Variants in TRIM37 observed in about 807,000 individuals in gnomAD.
TRIM37 encodes tripartite motif containing 37.
TRIM37 carries 80 observed loss-of-function variants against 129.8 expected under a neutral mutation model. The ratio of observed to expected loss-of-function variants is 0.62; its 90% CI spans 0.51 to 0.74. The LOEUF (loss-of-function observed/expected upper bound fraction) is 0.74, where lower values mean the gene tolerates loss of function less well. Among genes scored for constraint, TRIM37 ranks in the 30% least tolerant of loss-of-function variants. The probability of loss-of-function intolerance (pLI) is 0.00; values close to 1 mark genes in which losing one functional copy is unlikely to be tolerated. For missense variants in TRIM37, 1,054 were observed against 1,176.5 expected (o/e 0.90, Z 1.52); for synonymous variants, 389 against 387.1 (o/e 1.00, Z -0.06).
At chr17:59,006,752 G>A (rs2034535307) in intron 22 of TRIM37, among the ~76,000 whole-genome samples, 1 of 152,126 alleles carries the variant, frequency 6.6e-6, no homozygotes, top group South Asian at 2.1e-4. Flanking sequence ...AGCCGGGCAT[G>A]GCAGCAGATG....
intron 9 of TRIM37, among the ~76,000 whole-genome samples, chr17:59,065,024 G>A (rs1167997357): frequency 4.6e-5 from 7 of 152,082 alleles, no homozygotes; most frequent in African/African-American, 7.2e-5. Flanking sequence ...ACACTCCAGC[G>A]AGGGCGACAG....
chr17:58,988,810 G>C (rs911766719), intron 24 of TRIM37, among the ~76,000 whole-genome samples: 5 of 152,116 alleles, frequency 3.3e-5, no homozygotes, highest in African/African-American at 4.8e-5. Context: ...ACAGGAACTC[G>C]AGACCACTAA....
chr17:58,972,986 A>AG, the TRIM37 span: 47 of 1,167,484 alleles, frequency 4.0e-5, no homozygotes, highest in Non-Finnish European at 5.6e-5. Context: ...CTCCTGTATC[A>AG]ACTCTGATAC....
At chr17:59,002,887 AT>A (rs1318504032) in intron 22 of TRIM37, among the ~76,000 whole-genome samples, 1 of 151,790 alleles carries the variant, frequency 6.6e-6, no homozygotes, top group African/African-American at 2.4e-5. Flanking sequence ...TAATGTTAAA[AT>A]TTTTGTTTGT....
intron 11 of TRIM37, among the ~76,000 whole-genome samples, 174 bp from the exon 12 acceptor site, chr17:59,061,282 A>T (rs1427249682): frequency 6.6e-6 from 1 of 150,958 alleles, no homozygotes; most frequent in Non-Finnish European, 1.5e-5. Flanking sequence ...TTTGTGCATT[A>T]AAAAAAAAGT....
At chr17:59,091,262 T>A in intron 3 of TRIM37, 38 bp downstream of exon 3, 1 of 1,554,308 alleles carries the variant, frequency 6.4e-7, no homozygotes, top group Non-Finnish European at 8.8e-7. Flanking sequence ...GATCTTACTA[T>A]TTTCAAAATT....
chr17:59,005,936 G>T (rs2034429178), intron 22 of TRIM37, among the ~76,000 whole-genome samples: 2 of 152,170 alleles, frequency 1.3e-5, no homozygotes. Context: ...AGGAGCTCCT[G>T]TTGACCTTAA....
chr17:58,980,481 C>T, downstream of TRIM37: 1 of 1,614,168 alleles, frequency 6.2e-7, no homozygotes, highest in Non-Finnish European at 8.5e-7. This position sits in a 1 kb window ranked among gnomAD's most constrained non-coding sequence, Gnocchi z 4.7. Context: ...CTAGATCTCA[C>T]ACAAATAGAA....
At chr17:59,047,548 TAG>T in intron 16 of TRIM37, 133 bp downstream of exon 16, 2 of 878,904 alleles carry the variant, frequency 2.3e-6, no homozygotes, top group Non-Finnish European at 1.8e-6. Context: ...GCCCAGAGAT[TAG>T]AGAGAGAAAA....
At chr17:59,083,857 A>G in intron 5 of TRIM37, 145 bp downstream of exon 5, 2 of 703,980 alleles carry the variant, frequency 2.8e-6, no homozygotes, top group Non-Finnish European at 4.9e-6. Flanking sequence ...ATAAAAGTAC[A>G]ATACCTTTAA....
rs528880392 is a variant in TRIM37 at position 59,032,546 on chromosome 17, A to G, written c.1754-456T>C. 5.8e-4 allele frequency among the ~76,000 whole-genome samples: 87 copies of G among 151,234 alleles called. 3 individuals carry two copies. In the South Asian group the frequency reaches 7.9e-3, roughly 14 times the overall value. ...GACTCCGTCTCAAAAAAAAAAAAAA[A>G]AAAAAAAGAAAGAAGGAACCAGACA... On this transcript the variant is annotated intron_variant, in intron 17 of 23. Transcript: ENST00000262294.
rs577468885 is a variant in TRIM37 at position 59,106,702 on chromosome 17, G to A, written c.-241C>T. 1.2e-4 allele frequency: 71 copies of A among 589,918 alleles called. No homozygotes were observed. In the East Asian group the frequency reaches 1.8e-3, roughly 15 times the overall value. The allele number at this position is 589,918 out of a possible 1,614,324, so 36.5% of individuals were successfully genotyped here. ...CGCAGAAGTAGGGCGAACGGTGGCC[G>A]CAGCTCCTTTCTCCCGGCTCAGCCG... On this transcript the variant is annotated 5_prime_UTR_variant, in exon 1 of 24. Transcript: ENST00000262294.
At chr17:59,076,668 T>C (rs2042837061) in intron 7 of TRIM37, among the ~76,000 whole-genome samples, 1 of 152,256 alleles carries the variant, frequency 6.6e-6, no homozygotes, top group South Asian at 2.1e-4. Context: ...TCAGGCCATT[T>C]TCTTTGTAAA....
chr17:59,028,758 C>T lies in TRIM37; in HGVS notation c.1949-35G>A, dbSNP rs764704367. ...AATTGACAAGTCATGTTAACATAAA[C>T]GTTAATATTAATGAAATCATTTGTA... On this transcript the variant is annotated intron_variant, in intron 18 of 23. Coordinates refer to ENST00000262294, the MANE Select transcript of TRIM37 (RefSeq NM_015294.6). 13 of 1,603,622 alleles carry T rather than the reference C, an allele frequency of 8.1e-6. No individual in the cohort carries two copies. The East Asian group carries it at 1.8e-4, about 22-fold the overall frequency.
At chr17:59,054,959 C>T (rs1852894280) in intron 13 of TRIM37, among the ~76,000 whole-genome samples, 1 of 152,078 alleles carries the variant, frequency 6.6e-6, no homozygotes, top group Non-Finnish European at 1.5e-5. Context: ...AGCCACCACA[C>T]CTGGCTAAAT....
chr17:59,048,050 T>A (rs889999662), intron 15 of TRIM37, among the ~76,000 whole-genome samples: 19 of 152,218 alleles, frequency 1.2e-4, no homozygotes, highest in Non-Finnish European at 1.5e-5. Context: ...TCAGTGTGAC[T>A]GGAATCCTTC....
chr17:59,001,625 T>G lies in TRIM37; in HGVS notation c.2785A>C (p.Met929Leu). Residue 929 changes from methionine to leucine, a missense_variant, in exon 23 of 24, where the codon ATG becomes CTG. By Grantham distance (15) the Met-to-Leu change is conservative (BLOSUM62 2). Transcript: ENST00000262294. ...TCATCCGGGGGCTGTGTCATGACCA[T>G]GAAGGAGTCGTGAAACCCGCCCACA... ...TSVGGFHDSF[M>L]VMTQPPDEDT... 6.2e-7 allele frequency: 1 copy of G among 1,614,038 alleles called. No homozygotes were observed. The highest frequency in any genetic ancestry group is 1.3e-5 in the African/African-American group (1 of 75,004).
chr17:59,091,259 C>T, intron 3 of TRIM37, 41 bp downstream of exon 3: 1 of 1,539,912 alleles, frequency 6.5e-7, no homozygotes, highest in Non-Finnish European at 8.9e-7. Context: ...TCTGATCTTA[C>T]TATTTTCAAA....
chr17:59,008,990 C>G (rs762470704), intron 22 of TRIM37, among the ~76,000 whole-genome samples: 1 of 152,206 alleles, frequency 6.6e-6, no homozygotes, highest in Non-Finnish European at 1.5e-5. Flanking sequence ...TTTCACCAGT[C>G]TTCATCTGGC....
Sources: gnomAD v4.1 joint callset for allele counts (sites outside exome capture counted in the v4.1 genomes callset) on GRCh38, gnomAD v4.1.1 for gene constraint, Gnocchi (gnomAD v3.1) non-coding constraint, MANE v1.5 for transcripts, NCBI Gene and HGNC (gene_info 2026-07-23, HGNC 2026-07-21) for gene names.